Variants in MMP20 observed in about 807,000 individuals in gnomAD.
The protein encoded by MMP20 is matrix metallopeptidase 20.
MMP20 carries 50 observed loss-of-function variants against 51.8 expected under a neutral mutation model. The ratio of observed to expected loss-of-function variants is 0.97; its 90% CI spans 0.77 to 1.22. The LOEUF (loss-of-function observed/expected upper bound fraction) is 1.22, where lower values mean the gene tolerates loss of function less well. Among genes scored for constraint, MMP20 ranks in the 50% most tolerant of loss-of-function variants. The pLI is 0.00. For synonymous variants in MMP20, 244 were observed against 216.2 expected (o/e 1.13, Z -1.13); for missense variants, 663 against 601.4 (o/e 1.10, Z -1.07).
chr11:102,612,295 T>C (rs367676145), intron 2 of MMP20, among the ~76,000 whole-genome samples: 19 of 152,228 alleles, frequency 1.2e-4, no homozygotes, highest in Admixed American at 8.5e-4. Context: ...TGAAACCCCA[T>C]CTCTACTAAA....
rs1859132769 is a variant in MMP20, at chr11:102,576,942, A to G, written c.*384T>C. ...TTGCTTGTAAATAATTATAATTCAT[A>G]CTGTAATGACATTTCCTATGAAAAG... is the stretch of plus-strand genomic sequence containing the variant. On this transcript the variant is annotated 3_prime_UTR_variant, in exon 10 of 10. Transcript: ENST00000260228. 5.3e-6 allele frequency: 1 copy of G among 188,030 alleles called. No homozygotes were observed. The highest frequency in any genetic ancestry group is 1.0e-4 in the South Asian group (1 of 9,790). 11.6% of individuals were successfully genotyped at this position (188,030 alleles called of 1,614,324 possible). A position where few individuals can be genotyped will look rare whatever the true frequency, so the allele number is the denominator to read the frequency against.
chr11:102,594,761 T>C lies in MMP20; in HGVS notation c.954-4A>G. 6.5e-7 allele frequency: 1 copy of C among 1,548,982 alleles called. No homozygotes were observed. The highest frequency in any genetic ancestry group is 1.1e-5 in the South Asian group (1 of 86,990). On this transcript the variant is annotated splice_region_variant and splice_polypyrimidine_tract_variant and intron_variant, in intron 6 of 9. Transcript: ENST00000260228. ...AACCTGCCGTCTCCAGAAAATCCTA[T>C]GGGACATTCCAAAAAAAAAAAAAAA...
chr11:102,596,412 A>G (rs1402484334), intron 6 of MMP20, among the ~76,000 whole-genome samples: 1 of 152,228 alleles, frequency 6.6e-6, no homozygotes, highest in Non-Finnish European at 1.5e-5. Flanking sequence ...ATCAGCTTAC[A>G]TGGGAAAAAT....
chr11:102,592,122 T>C (rs951360776), intron 8 of MMP20, among the ~76,000 whole-genome samples: 2 of 152,238 alleles, frequency 1.3e-5, no homozygotes, highest in African/African-American at 4.8e-5. Context: ...GATTTCTCAA[T>C]ACCTATCTTC....
At chr11:102,603,675 G>A (rs1032100394) in intron 6 of MMP20, among the ~76,000 whole-genome samples, 5 of 152,142 alleles carry the variant, frequency 3.3e-5, no homozygotes, top group East Asian at 1.9e-4. Flanking sequence ...CAGGTGCCAC[G>A]GTGAGTTAGT....
At chr11:102,623,542 A>G (rs1394246475) in intron 1 of MMP20, among the ~76,000 whole-genome samples, 2 of 152,208 alleles carry the variant, frequency 1.3e-5, no homozygotes, top group African/African-American at 4.8e-5. Flanking sequence ...TCCCACGTCC[A>G]TGAAAAACTG....
chr11:102,585,032 A>C lies in MMP20; in HGVS notation c.1248-5890T>G, dbSNP rs1316354280. Among the ~76,000 whole-genome samples the C allele has an allele frequency of 2.0e-5, 3 of 152,148 alleles. No homozygotes were observed. The East Asian group carries it at 5.8e-4, about 29-fold the overall frequency. On this transcript the variant is annotated intron_variant, in intron 8 of 9. Transcript: ENST00000260228. ...GTCTTAGTTACTGTTTCTTTGTAGT[A>C]ACTTTTGAAATTGGGAAGTATGAAT... is the stretch of plus-strand genomic sequence containing the variant.
In MMP20 at chr11:102,594,702, T is replaced by C. The variant is rs767359303; in HGVS notation, c.1009A>G (p.Thr337Ala). 16 of 1,607,734 alleles carry C rather than the reference T, an allele frequency of 1.0e-5. No individual in the cohort carries two copies. The highest frequency in any genetic ancestry group is 1.7e-5 in the Admixed American group (1 of 58,836). Residue 337 changes from threonine to alanine, a missense_variant, in exon 7 of 10, where the codon ACC becomes GCC. Coordinates refer to ENST00000260228, the MANE Select transcript of MMP20 (RefSeq NM_004771.4). ...LRTGIRPSTI[T>A]SSFPQLMSNV... ...GACATGAGCTGGGGGAAGGAGCTGG[T>C]AATAGTGCTGGGCCGAATTCCTGTC...
chr11:102,622,512 G>T (rs1229686328), intron 1 of MMP20, among the ~76,000 whole-genome samples: 1 of 152,154 alleles, frequency 6.6e-6, no homozygotes, highest in Non-Finnish European at 1.5e-5. Context: ...ATGCAGCTCA[G>T]GTTCATCTCA....
At chr11:102,619,944 C>G (rs1281069767) in intron 1 of MMP20, among the ~76,000 whole-genome samples, 1 of 152,092 alleles carries the variant, frequency 6.6e-6, no homozygotes, top group Non-Finnish European at 1.5e-5. Context: ...AGAAACTATT[C>G]CTTCTTAAAA....
In MMP20 at chr11:102,606,571, G is replaced by T. The variant is rs1372209337; in HGVS notation, c.917C>A (p.Thr306Lys). ...GAGCAGGAGCTCCTTCCCCAGCATT[G>T]TCACAGCGTCAAAGGATGAGCTGGA... Reference protein sequence around the residue: ...CDSSSSFDAVTMLGKELLLFK... With the variant: ...CDSSSSFDAVKMLGKELLLFK... Residue 306 changes from threonine to lysine, a missense_variant, in exon 6 of 10, where the codon ACA becomes AAA. Transcript: ENST00000260228. The T allele has an allele frequency of 6.2e-6, 10 of 1,614,036 alleles. No homozygotes were observed. Among genetic ancestry groups the T allele is most frequent in the Non-Finnish European group, 8.5e-6 (10 of 1,179,916 alleles).
chr11:102,624,401 C>CATATATATAT (rs58212685), intron 1 of MMP20, among the ~76,000 whole-genome samples: 27 of 140,240 alleles, frequency 1.9e-4, no homozygotes, highest in African/African-American at 3.0e-4. Flanking sequence ...CGCTTGGAAG[C>CATATATATAT]ATATATATAT....
rs187593820 is a variant in MMP20, at chr11:102,606,718, T to G, written c.812-42A>C. ...GTTGGTCAAAATGGTAACGGGAATT[T>G]GGAGTTCACACACTTCTGCTCTAGA... On this transcript the variant is annotated intron_variant, in intron 5 of 9. Coordinates refer to ENST00000260228, the MANE Select transcript of MMP20 (RefSeq NM_004771.4). The G allele has an allele frequency of 1.6e-5, 26 of 1,611,032 alleles. No homozygotes were observed. In the African/African-American group the frequency reaches 2.4e-4, roughly 15 times the overall value.
chr11:102,614,575 T>C (rs1248334407), intron 2 of MMP20, among the ~76,000 whole-genome samples: 1 of 152,244 alleles, frequency 6.6e-6, no homozygotes, highest in Non-Finnish European at 1.5e-5. Context: ...ATTTTTCTTG[T>C]CTTATTCTTA....
chr11:102,577,488 A>C, intron 9 of MMP20, 62 bp from the exon 10 acceptor site: 1 of 1,139,170 alleles, frequency 8.8e-7, no homozygotes, highest in Non-Finnish European at 1.3e-6. Context: ...TAAATGGAAG[A>C]ATTTGTCACT....
At chr11:102,613,532 T>C (rs1310278677) in intron 2 of MMP20, among the ~76,000 whole-genome samples, 1 of 152,212 alleles carries the variant, frequency 6.6e-6, no homozygotes, top group African/African-American at 2.4e-5. Flanking sequence ...CCTAGGAAGC[T>C]TGTTAAAAAT....
At position 102,617,029 on chromosome 11, in the gene MMP20, C is replaced by T; in HGVS notation, c.157G>A (p.Glu53Lys). The change falls in exon 2 of 10, where the codon GAA becomes AAA. Residue 53 changes from glutamate (E) to lysine (K), a missense_variant. Transcript: ENST00000260228. The stretch of plus-strand genomic sequence containing the variant: ...ACCATCTCACCAATCTGGTGTCCTT[C>T]TTTATTTGTGTAATATTTGTCAAGA... Reference protein sequence around the residue: ...AYLDKYYTNKEGHQIGEMVAR... With the variant: ...AYLDKYYTNKKGHQIGEMVAR... The T allele has an allele frequency of 6.2e-7, 1 of 1,614,154 alleles. No individual in the cohort carries two copies. The highest frequency in any genetic ancestry group is 1.1e-5 in the South Asian group (1 of 91,086).
intron 6 of MMP20, among the ~76,000 whole-genome samples, chr11:102,601,139 T>TCGGAGTGCTGAA (rs1565394404): frequency 1.8e-4 from 8 of 44,876 alleles, no homozygotes; most frequent in East Asian, 1.2e-3. Context: ...TTTTTTTTTT[T>TCGGAGTGCTGAA]TTTTTTTTTT....
At chr11:102,578,743 CA>C (rs1859156216) in intron 9 of MMP20, among the ~76,000 whole-genome samples, 1 of 920 alleles carries the variant, frequency 1.1e-3, no homozygotes, top group Admixed American at 0.021. Context: ...TCAAAAAAAA[CA>C]AAAAACAAAA....
Sources: gnomAD v4.1 joint callset for allele counts (sites outside exome capture counted in the v4.1 genomes callset) on GRCh38, gnomAD v4.1.1 for gene constraint, MANE v1.5 for transcripts, NCBI Gene and HGNC (gene_info 2026-07-23, HGNC 2026-07-21) for gene names.